The following FBXW7 variants were observed in gnomAD, a reference collection of about 807,000 sequenced individuals.
FBXW7 encodes the protein F-box and WD repeat domain containing 7.
Under a neutral mutation model 86.3 loss-of-function variants are expected in FBXW7, and 11 were observed. The observed-to-expected ratio is 0.13, with a 90% CI of 0.08 to 0.21. The LOEUF (loss-of-function observed/expected upper bound fraction) is 0.21, where lower values mean the gene tolerates loss of function less well. FBXW7 is among the 10% of genes least tolerant of loss of function. The pLI, the probability that FBXW7 is intolerant of heterozygous loss-of-function variation, is 1.00. For missense variants in FBXW7, 488 were observed against 847.4 expected, an observed-to-expected ratio of 0.58 and a Z score of 5.27; for synonymous variants, 313 against 297.9, an observed-to-expected ratio of 1.05 and a Z score of -0.52.
intron 2 of FBXW7, among the ~76,000 whole-genome samples, chr4:152,489,101 G>A (rs746899796): frequency 8.6e-5 from 13 of 151,942 alleles, no homozygotes; most frequent in Non-Finnish European, 1.5e-4. Flanking sequence ...TAAACAGCAC[G>A]TATAGAAACA....
chr4:152,520,498 C>A (rs1049436446), intron 2 of FBXW7, among the ~76,000 whole-genome samples: 1 of 151,274 alleles, frequency 6.6e-6, no homozygotes, highest in Non-Finnish European at 1.5e-5. Flanking sequence ...TAGTAGGTCA[C>A]TTCTTCACCT....
intron 5 of FBXW7, among the ~76,000 whole-genome samples, chr4:152,349,114 T>G (rs1020055043): frequency 3.3e-5 from 5 of 152,030 alleles, no homozygotes; most frequent in Admixed American, 6.6e-5. Flanking sequence ...AGGCACAATC[T>G]GCAACAATGT....
At chr4:152,448,033 C>G (rs1560909869) in intron 2 of FBXW7, among the ~76,000 whole-genome samples, 1 of 152,152 alleles carries the variant, frequency 6.6e-6, no homozygotes, top group South Asian at 2.1e-4. Flanking sequence ...TGAAGGCATA[C>G]AACTTAACCA....
At chr4:152,524,714 T>C (rs1243435593) in intron 2 of FBXW7, among the ~76,000 whole-genome samples, 1 of 151,896 alleles carries the variant, frequency 6.6e-6, no homozygotes, top group Non-Finnish European at 1.5e-5. Context: ...TCCCCACCTC[T>C]GTACAACCCC....
At chr4:152,418,074 T>C (rs1426895850) in intron 2 of FBXW7, among the ~76,000 whole-genome samples, 3 of 151,966 alleles carry the variant, frequency 2.0e-5, no homozygotes, top group Non-Finnish European at 4.4e-5. Context: ...TGTTATAAAA[T>C]GGTTAACTTC....
intron 6 of FBXW7, among the ~76,000 whole-genome samples, chr4:152,344,531 C>T (rs1731071626): frequency 6.6e-6 from 1 of 150,652 alleles, no homozygotes; most frequent in Non-Finnish European, 1.5e-5. Context: ...TTATTGAATA[C>T]AGTTTTTTTT....
chr4:152,466,671 G>C (rs993776175), intron 2 of FBXW7, among the ~76,000 whole-genome samples: 1 of 151,796 alleles, frequency 6.6e-6, no homozygotes, highest in African/African-American at 2.4e-5. Context: ...GGTTGGGCGT[G>C]GTGGCTCACA....
chr4:152,506,469 T>G (rs185293949), intron 2 of FBXW7, among the ~76,000 whole-genome samples: 1 of 152,186 alleles, frequency 6.6e-6, no homozygotes, highest in Non-Finnish European at 1.5e-5. Flanking sequence ...TGCAGAAGAT[T>G]TGTGTACACC....
chr4:152,532,161 T>G (rs1211730936), intron 2 of FBXW7, among the ~76,000 whole-genome samples: 1 of 152,258 alleles, frequency 6.6e-6, no homozygotes, highest in East Asian at 1.9e-4. Flanking sequence ...TTTGCTGTTT[T>G]GAAACTGCAC....
intron 6 of FBXW7, among the ~76,000 whole-genome samples, chr4:152,343,026 T>C (rs1354566280): frequency 6.6e-6 from 1 of 152,186 alleles, no homozygotes. Context: ...AAATAAGATG[T>C]AAATAAAGTA....
At chr4:152,361,962 T>C (rs1246460323) in intron 4 of FBXW7, among the ~76,000 whole-genome samples, 5 of 97,522 alleles carry the variant, frequency 5.1e-5, no homozygotes, top group Admixed American at 1.5e-4. Flanking sequence ...CTAGACTCCA[T>C]CTCAAAAAAA....
At chr4:152,418,689 G>A (rs972341348) in intron 2 of FBXW7, among the ~76,000 whole-genome samples, 3 of 152,142 alleles carry the variant, frequency 2.0e-5, no homozygotes, top group Non-Finnish European at 4.4e-5. Context: ...AGATTTCTAT[G>A]AAGAAAAGAT....
At chr4:152,392,956 C>T (rs1033833402) in intron 4 of FBXW7, among the ~76,000 whole-genome samples, 1 of 151,970 alleles carries the variant, frequency 6.6e-6, no homozygotes, top group Non-Finnish European at 1.5e-5. Flanking sequence ...ATGTTATGAC[C>T]AAGAAAGGAA....
intron 4 of FBXW7, among the ~76,000 whole-genome samples, chr4:152,376,338 T>C (rs981103982): frequency 6.6e-5 from 10 of 152,040 alleles, no homozygotes; most frequent in Middle Eastern, 3.2e-3. Flanking sequence ...GTGTTTTGGG[T>C]ATGTATAAAA....
At chr4:152,462,917 C>CTTTTTTTT (rs534922461) in intron 2 of FBXW7, among the ~76,000 whole-genome samples, 1 of 127,082 alleles carries the variant, frequency 7.9e-6, no homozygotes, top group Non-Finnish European at 1.7e-5. Flanking sequence ...CACTTCCAGT[C>CTTTTTTTT]TTTTTTTTTT....
At position 152,323,162 on chromosome 4, in the gene FBXW7, C is replaced by G. The variant is rs1264186335; in HGVS notation, c.1856-13G>C. On this transcript the variant is annotated splice_polypyrimidine_tract_variant and intron_variant, in intron 13 of 13. Transcript: ENST00000281708. ...TGCTTGTTGGGACCTAGACAAAAAC[C>G]AAAAGAATTTAATTACTGGTTAGAA... The G allele has an allele frequency of 6.2e-7, 1 of 1,608,026 alleles. No individual in the cohort carries two copies. Among genetic ancestry groups the G allele is most frequent in the Non-Finnish European group, 8.5e-7 (1 of 1,175,902 alleles).
At position 152,401,015 on chromosome 4, in the gene FBXW7, G is replaced by A. The variant is rs939743849; in HGVS notation, c.501+10288C>T. Among the ~76,000 whole-genome samples, 4 of 152,254 alleles carry A rather than the reference G, an allele frequency of 2.6e-5. No homozygotes were observed. In the South Asian group the frequency reaches 8.3e-4, roughly 32 times the overall value. ...GATACCATACACACCTATCAGAATG[G>A]TCAAAATCCAGAACACTGACAACAC... On this transcript the variant is annotated intron_variant, in intron 4 of 13. Coordinates refer to ENST00000281708, the MANE Select transcript of FBXW7 (RefSeq NM_001349798.2).
intron 2 of FBXW7, among the ~76,000 whole-genome samples, chr4:152,458,298 C>T (rs1227714766): frequency 6.6e-6 from 1 of 152,214 alleles, no homozygotes; most frequent in Non-Finnish European, 1.5e-5. Flanking sequence ...GGATTACAGG[C>T]GTGAGCCACC....
intron 4 of FBXW7, among the ~76,000 whole-genome samples, chr4:152,391,478 C>G (rs1300142685): frequency 6.6e-6 from 1 of 152,092 alleles, no homozygotes; most frequent in East Asian, 1.9e-4. Context: ...TCAATTCCTA[C>G]TATTCTTTAG....
Sources: gnomAD v4.1 joint callset for allele counts (sites outside exome capture counted in the v4.1 genomes callset) on GRCh38, gnomAD v4.1.1 for gene constraint, MANE v1.5 for transcripts, NCBI Gene and HGNC (gene_info 2026-07-23, HGNC 2026-07-21) for gene names.